The following ZC2HC1B variants were observed in gnomAD, a reference collection of about 807,000 sequenced individuals.
The protein encoded by ZC2HC1B is zinc finger C2HC-type containing 1B.
Under a neutral mutation model 31.0 loss-of-function variants are expected in ZC2HC1B, and 36 were observed. The observed-to-expected ratio is 1.16, with a 90% CI of 0.89 to 1.54. ZC2HC1B has a LOEUF of 1.54. Among genes scored for constraint, ZC2HC1B ranks in the 40% most tolerant of loss-of-function variants. The pLI is 0.00. For synonymous variants in ZC2HC1B, 73 were observed against 88.0 expected (o/e 0.83, Z 0.95); for missense variants, 260 against 268.6 (o/e 0.97, Z 0.22).
At chr6:143,914,100 C>T (rs914547632) in intron 6 of ZC2HC1B, among the ~76,000 whole-genome samples, 2 of 152,060 alleles carry the variant, frequency 1.3e-5, no homozygotes, top group Non-Finnish European at 2.9e-5. Context: ...TCCGTCTAAC[C>T]TTTATTATCT....
Position 143,924,757 on chromosome 6 carries a change from C to G in ZC2HC1B, c.599-12892C>G, listed in dbSNP as rs183282007. On this transcript the variant is annotated intron_variant, in intron 6 of 7. Coordinates refer to ENST00000237275, the MANE Select transcript of ZC2HC1B (RefSeq NM_001013623.3). The surrounding 1 kb of genome is among the most constrained non-coding windows in gnomAD (Gnocchi z 5.2). ...TTTATAAAATTCCTTTTCTCTGTCTCTTGAAATGATCATATTGTTTTTGTC... is the reference window on the plus strand; with the variant it reads ...TTTATAAAATTCCTTTTCTCTGTCTGTTGAAATGATCATATTGTTTTTGTC... Among the ~76,000 whole-genome samples, 1 of 152,276 alleles carries G rather than the reference C, an allele frequency of 6.6e-6. No homozygotes were observed. Among genetic ancestry groups the G allele is most frequent in the East Asian group, 1.9e-4 (1 of 5,172 alleles).
intron 6 of ZC2HC1B, among the ~76,000 whole-genome samples, chr6:143,920,600 A>G (rs961102826): frequency 1.1e-4 from 16 of 152,254 alleles, no homozygotes; most frequent in African/African-American, 3.9e-4. Context: ...TCACTAAGTA[A>G]AAGGCAAAGT....
chr6:143,906,966 G>C (rs1014714915), intron 6 of ZC2HC1B, among the ~76,000 whole-genome samples: 16 of 152,102 alleles, frequency 1.1e-4, no homozygotes, highest in African/African-American at 3.9e-4. Flanking sequence ...ATTGTGTGTT[G>C]TTCTCCACTA....
Position 143,886,804 on chromosome 6 carries a change from C to T in ZC2HC1B, c.332C>T (p.Pro111Leu). ...GGCCGACCCCTCCCACCTCCACCCC[C>T]TCCATCCTTGAACCCAGGTGTGTAG... is the stretch of plus-strand genomic sequence containing the variant. Reference protein sequence around the residue: ...KEGRPLPPPPPPSLNPDYIQR... With the variant: ...KEGRPLPPPPLPSLNPDYIQR... Residue 111 changes from proline (P) to leucine (L), a missense_variant, in exon 4 of 8, where the codon CCT becomes CTT. By Grantham distance (98) the Pro-to-Leu change is moderately conservative. Transcript: ENST00000237275. This position sits in a 1 kb window ranked among gnomAD's most constrained non-coding sequence, Gnocchi z 4.2. 2 of 1,536,152 alleles carry T rather than the reference C, an allele frequency of 1.3e-6. No individual in the cohort carries two copies. Among genetic ancestry groups the T allele is most frequent in the East Asian group, 2.5e-5 (1 of 39,498 alleles).
At position 143,884,394 on chromosome 6, in the gene ZC2HC1B, T is replaced by A. The variant is rs1167226144; in HGVS notation, c.90+29T>A. On this transcript the variant is annotated intron_variant, in intron 2 of 7. Coordinates refer to ENST00000237275, the MANE Select transcript of ZC2HC1B (RefSeq NM_001013623.3). This position sits in a 1 kb window ranked among gnomAD's most constrained non-coding sequence, Gnocchi z 5.1. ...AACATAAAGACATTTTGTAGATGTGTTTCATTGGACTTAAATGAACTGTCA... is the reference window on the plus strand; with the variant it reads ...AACATAAAGACATTTTGTAGATGTGATTCATTGGACTTAAATGAACTGTCA... 1.3e-6 allele frequency: 2 copies of A among 1,520,714 alleles called. No homozygotes were observed. Among genetic ancestry groups the A allele is most frequent in the South Asian group, 2.5e-5 (2 of 81,078 alleles). The allele number at this position is 1,520,714 out of a possible 1,614,324, so 94.2% of individuals were successfully genotyped here.
At position 143,922,176 on chromosome 6, in the gene ZC2HC1B, A is replaced by G. The variant is rs114577562; in HGVS notation, c.599-15473A>G. Among the ~76,000 whole-genome samples the G allele has an allele frequency of 4.2e-3, 639 of 152,282 alleles. 4 individuals are homozygous for G. The highest frequency in any genetic ancestry group is 0.014 in the African/African-American group (577 of 41,544). ...CTGTTCTGATACTAGTCTACTTGTA[A>G]TATGTGGTCTTTTTGTTGATATATA... On this transcript the variant is annotated intron_variant, in intron 6 of 7. Transcript: ENST00000237275. This position sits in a 1 kb window ranked among gnomAD's most constrained non-coding sequence, Gnocchi z 5.0.
rs1582970202 is a variant in ZC2HC1B, at chr6:143,914,054, T to G, written c.598+10902T>G. ...AAGAACCAACTTTTGGTTTTATTGATTTTTCTCTATTTTTCTATTCTTGAT... is the reference window on the plus strand; with the variant it reads ...AAGAACCAACTTTTGGTTTTATTGAGTTTTCTCTATTTTTCTATTCTTGAT... On this transcript the variant is annotated intron_variant, in intron 6 of 7. Coordinates refer to ENST00000237275, the MANE Select transcript of ZC2HC1B (RefSeq NM_001013623.3). 2.0e-5 allele frequency among the ~76,000 whole-genome samples: 3 copies of G among 152,216 alleles called. No homozygotes were observed. The South Asian group carries it at 6.2e-4, about 31-fold the overall frequency.
At chr6:143,916,329 A>G (rs1047330392) in intron 6 of ZC2HC1B, among the ~76,000 whole-genome samples, 1 of 152,214 alleles carries the variant, frequency 6.6e-6, no homozygotes, top group African/African-American at 2.4e-5. Context: ...AAACACCTGG[A>G]TGCCCAAGCT....
intron 1 of ZC2HC1B, among the ~76,000 whole-genome samples, chr6:143,882,603 C>T (rs1420176655): frequency 6.6e-6 from 1 of 151,700 alleles, no homozygotes; most frequent in Non-Finnish European, 1.5e-5. Flanking sequence ...CCTGTTTCTC[C>T]TCCTGGCTTA....
rs1777346430 is a variant in ZC2HC1B, at chr6:143,871,961, G to A, written c.28+7394G>A. On this transcript the variant is annotated intron_variant, in intron 1 of 7. Coordinates refer to ENST00000237275, the MANE Select transcript of ZC2HC1B (RefSeq NM_001013623.3). The surrounding 1 kb of genome is among the most constrained non-coding windows in gnomAD (Gnocchi z 4.1). Reference sequence around the variant, plus strand: ...CTCCATTATTACCTGACCTCCATAAGCCCGTACGTTAACTGGAGGACCATA... The same window carrying A: ...CTCCATTATTACCTGACCTCCATAAACCCGTACGTTAACTGGAGGACCATA... Among the ~76,000 whole-genome samples the A allele has an allele frequency of 6.6e-6, 1 of 152,212 alleles. No individual in the cohort carries two copies. The highest frequency in any genetic ancestry group is 2.1e-4 in the South Asian group (1 of 4,816).
At chr6:143,901,313 G>A (rs532502841) in intron 5 of ZC2HC1B, among the ~76,000 whole-genome samples, 1 of 128,134 alleles carries the variant, frequency 7.8e-6, no homozygotes, top group Admixed American at 9.1e-5. Flanking sequence ...AGGCTGGAGT[G>A]CAGTGGTGTG....
At chr6:143,937,314 G>A (rs566090769) in intron 6 of ZC2HC1B, among the ~76,000 whole-genome samples, 94 of 152,282 alleles carry the variant, frequency 6.2e-4, no homozygotes, top group African/African-American at 2.1e-3. Context: ...AAATATCAGG[G>A]TCCATTTTGA....
At chr6:143,898,768 C>T (rs1777702237) in intron 5 of ZC2HC1B, 77 bp downstream of exon 5, 2 of 1,497,760 alleles carry the variant, frequency 1.3e-6, no homozygotes, top group Non-Finnish European at 1.8e-6. Context: ...CCCTAGAGAA[C>T]CTCAGTTACC....
Position 143,924,759 on chromosome 6 carries a change from T to C in ZC2HC1B, c.599-12890T>C, listed in dbSNP as rs1778015776. On this transcript the variant is annotated intron_variant, in intron 6 of 7. Transcript: ENST00000237275. This position sits in a 1 kb window ranked among gnomAD's most constrained non-coding sequence, Gnocchi z 5.2. ...TATAAAATTCCTTTTCTCTGTCTCT[T>C]GAAATGATCATATTGTTTTTGTCTT... is the stretch of plus-strand genomic sequence containing the variant. Among the ~76,000 whole-genome samples, 1 of 152,218 alleles carries C rather than the reference T, an allele frequency of 6.6e-6. No individual in the cohort carries two copies. Among genetic ancestry groups the C allele is most frequent in the South Asian group, 2.1e-4 (1 of 4,832 alleles).
Position 143,879,113 on chromosome 6 carries a change from G to C in ZC2HC1B, c.29-5191G>C, listed in dbSNP as rs529700392. ...TTTGACAGTCTCTTCCTCCTCATTC[G>C]CCTGCCTCAGTTTTAGAGGTACATG... On this transcript the variant is annotated intron_variant, in intron 1 of 7. Transcript: ENST00000237275. 2.0e-5 allele frequency among the ~76,000 whole-genome samples: 3 copies of C among 152,080 alleles called. No homozygotes were observed. In the South Asian group the frequency reaches 6.2e-4, roughly 32 times the overall value.
At chr6:143,931,887 G>T (rs1778125559) in intron 6 of ZC2HC1B, among the ~76,000 whole-genome samples, 1 of 143,734 alleles carries the variant, frequency 7.0e-6, no homozygotes. Context: ...TTTTTTAACG[G>T]AGTTTCACTT....
At chr6:143,892,573 C>T (rs1777613759) in intron 4 of ZC2HC1B, among the ~76,000 whole-genome samples, 1 of 152,178 alleles carries the variant, frequency 6.6e-6, no homozygotes, top group Non-Finnish European at 1.5e-5. Flanking sequence ...GTTGGGATTA[C>T]AGGCGTGAGC....
At chr6:143,890,896 G>A (rs1286255175) in intron 4 of ZC2HC1B, among the ~76,000 whole-genome samples, 1 of 151,984 alleles carries the variant, frequency 6.6e-6, no homozygotes, top group East Asian at 1.9e-4. Context: ...TTGGGAGGCC[G>A]AGGCAGGTGG....
At chr6:143,881,777 G>A (rs966836708) in intron 1 of ZC2HC1B, 2 of 152,084 alleles carry the variant, frequency 1.3e-5, no homozygotes, top group African/African-American at 4.8e-5. Flanking sequence ...GATTCAGCTG[G>A]CTAGGTAAGT....
Sources: allele counts gnomAD v4.1 joint callset (sites outside exome capture counted in the v4.1 genomes callset), GRCh38; gene constraint gnomAD v4.1.1; non-coding constraint Gnocchi (gnomAD v3.1); transcripts MANE v1.5; gene names NCBI Gene and HGNC (gene_info 2026-07-23, HGNC 2026-07-21).